The following MARVELD2 variants were observed in gnomAD, a reference collection of about 807,000 sequenced individuals.
The protein encoded by MARVELD2 is MARVEL domain-containing protein 2.
In MARVELD2, 49 loss-of-function variants were observed where a neutral mutation model predicts 57.6. The observed-to-expected ratio is 0.85, with a 90% CI of 0.68 to 1.08. The LOEUF (loss-of-function observed/expected upper bound fraction) is 1.08, where lower values mean the gene tolerates loss of function less well. Among genes scored for constraint, MARVELD2 ranks in the 50% least tolerant of loss-of-function variants. The probability of loss-of-function intolerance (pLI) is 0.00; values close to 1 mark genes in which losing one functional copy is unlikely to be tolerated. For synonymous variants in MARVELD2, 238 were observed against 258.8 expected, an observed-to-expected ratio of 0.92 and a Z score of 0.77; for missense variants, 606 against 701.1, an observed-to-expected ratio of 0.86 and a Z score of 1.53.
At position 69,441,678 on chromosome 5, in the gene MARVELD2, TTTTTA is replaced by T; in HGVS notation, c.*39_*43del. ...AACGCTTATTTGAAACCACTTTATT[TTTTTA>T]TTTTATTTTATTTTTTTGAGATGAA... On this transcript the variant is annotated 3_prime_UTR_variant, in exon 7 of 7. Coordinates refer to ENST00000325631, the MANE Select transcript of MARVELD2 (RefSeq NM_001038603.3). The T allele has an allele frequency of 2.0e-6, 3 of 1,497,276 alleles. No homozygotes were observed. Among genetic ancestry groups the T allele is most frequent in the South Asian group, 2.3e-5 (2 of 86,440 alleles). The allele number at this position is 1,497,276 out of a possible 1,614,324, so 92.7% of individuals were successfully genotyped here.
At chr5:69,416,723 T>C (rs886710599) in intron 1 of MARVELD2, among the ~76,000 whole-genome samples, 1 of 152,240 alleles carries the variant, frequency 6.6e-6, no homozygotes, top group African/African-American at 2.4e-5. Flanking sequence ...CTTTTTATTA[T>C]GTTTGAAAAA....
chr5:69,421,706 C>A (rs920089585), intron 2 of MARVELD2, among the ~76,000 whole-genome samples: 5 of 151,984 alleles, frequency 3.3e-5, no homozygotes, highest in Non-Finnish European at 7.4e-5. Context: ...AAGCAATCCA[C>A]CTGCCTTGGC....
chr5:69,419,088 G>A (rs1766515278), intron 1 of MARVELD2: 1 of 473,946 alleles, frequency 2.1e-6, no homozygotes, highest in Non-Finnish European at 3.8e-6. Flanking sequence ...ACAACGCCTG[G>A]CTAGTTTTTG....
rs112747252 is a variant in MARVELD2, at chr5:69,419,416, G to T, written c.31G>T (p.Asp11Tyr). Residue 11 changes from aspartate to tyrosine, a missense_variant, in exon 2 of 7, where the codon GAC becomes TAC. Coordinates refer to ENST00000325631, the MANE Select transcript of MARVELD2 (RefSeq NM_001038603.3). The stretch of plus-strand genomic sequence containing the variant: ...AAATGATGGAAGATCCAGGAATCGG[G>T]ACAGGCGCTACGATGAGGTCCCAAG... The part of the protein sequence containing the change: MSNDGRSRNR[D>Y]RRYDEVPSDL... 6.8e-5 allele frequency: 109 copies of T among 1,614,036 alleles called. No individual in the cohort carries two copies. The African/African-American group carries it at 9.7e-4, about 14-fold the overall frequency.
intron 6 of MARVELD2, among the ~76,000 whole-genome samples, chr5:69,440,717 T>A (rs1341136335): frequency 1.3e-5 from 2 of 152,228 alleles, no homozygotes; most frequent in South Asian, 2.1e-4. Context: ...TGAGCATTGA[T>A]CAGGAATTCT....
intron 1 of MARVELD2, among the ~76,000 whole-genome samples, chr5:69,417,938 C>CAAA (rs759672131): frequency 1.1e-5 from 1 of 93,166 alleles, no homozygotes; most frequent in African/African-American, 3.9e-5. Context: ...GACTCTGTCT[C>CAAA]AAAAAAAAAA....
intron 1 of MARVELD2, among the ~76,000 whole-genome samples, chr5:69,416,189 T>C (rs1766411334): frequency 6.6e-6 from 1 of 152,250 alleles, no homozygotes; most frequent in East Asian, 1.9e-4. Flanking sequence ...TAAAATCATT[T>C]GTTGTGCTTT....
At chr5:69,421,557 T>C (rs1766625981) in intron 2 of MARVELD2, among the ~76,000 whole-genome samples, 1 of 152,190 alleles carries the variant, frequency 6.6e-6, no homozygotes, top group East Asian at 1.9e-4. Flanking sequence ...CTGACATATG[T>C]ATTTTGTTTT....
Position 69,441,696 on chromosome 5 carries a change from T to C in MARVELD2, c.*42T>C, listed in dbSNP as rs770984761. 4.8e-5 allele frequency: 68 copies of C among 1,402,496 alleles called. No individual in the cohort carries two copies. The highest frequency in any genetic ancestry group is 5.6e-5 in the Non-Finnish European group (57 of 1,010,038). 86.9% of individuals were successfully genotyped at this position (1,402,496 alleles called of 1,614,324 possible). A position where few individuals can be genotyped will look rare whatever the true frequency, so the allele number is the denominator to read the frequency against. ...CTTTATTTTTTTATTTTATTTTATT[T>C]TTTTGAGATGAAGTCTCGCTCTGTT... On this transcript the variant is annotated 3_prime_UTR_variant, in exon 7 of 7. Coordinates refer to ENST00000325631, the MANE Select transcript of MARVELD2 (RefSeq NM_001038603.3).
chr5:69,434,660 G>A (rs1221148025), intron 5 of MARVELD2, among the ~76,000 whole-genome samples: 1 of 151,930 alleles, frequency 6.6e-6, no homozygotes, highest in Non-Finnish European at 1.5e-5. Flanking sequence ...TATTGAAATA[G>A]GAATGCCTTA....
chr5:69,415,538 GAC>G (rs1766375224), intron 1 of MARVELD2: 1 of 152,156 alleles, frequency 6.6e-6, no homozygotes, highest in South Asian at 2.1e-4. Context: ...CAGAACCGAG[GAC>G]ACAATGAGAT....
intron 2 of MARVELD2, among the ~76,000 whole-genome samples, chr5:69,422,944 C>T (rs1389092174): frequency 6.6e-6 from 1 of 152,216 alleles, no homozygotes; most frequent in Admixed American, 6.5e-5. Context: ...TGGCACCAGG[C>T]TGGAGTGCAG....
intron 1 of MARVELD2, among the ~76,000 whole-genome samples, chr5:69,416,646 G>A (rs1285447103): frequency 6.6e-6 from 1 of 152,194 alleles, no homozygotes; most frequent in Non-Finnish European, 1.5e-5. Context: ...AAACAAGTTT[G>A]GCCATAAATC....
intron 2 of MARVELD2, among the ~76,000 whole-genome samples, chr5:69,422,789 C>T (rs1427842870): frequency 6.6e-6 from 1 of 152,122 alleles, no homozygotes; most frequent in Non-Finnish European, 1.5e-5. Flanking sequence ...ACGGAACCTG[C>T]CGACATGTGA....
chr5:69,430,509 C>A (rs1295875701), intron 3 of MARVELD2, among the ~76,000 whole-genome samples: 1 of 151,934 alleles, frequency 6.6e-6, no homozygotes, highest in Non-Finnish European at 1.5e-5. Context: ...AGCTACTGCA[C>A]GTGGCCTAGT....
chr5:69,419,415 G>C lies in MARVELD2; in HGVS notation c.30G>C (p.Arg10=), dbSNP rs143592561. MSNDGRSRN[R]DRRYDEVPSD... ...CAAATGATGGAAGATCCAGGAATCG[G>C]GACAGGCGCTACGATGAGGTCCCAA... Residue 10 remains arginine, a synonymous_variant, in exon 2 of 7, where the codon CGG becomes CGC. Transcript: ENST00000325631. 6.2e-6 allele frequency: 10 copies of C among 1,614,110 alleles called. No individual in the cohort carries two copies. The highest frequency in any genetic ancestry group is 7.6e-6 in the Non-Finnish European group (9 of 1,180,036).
chr5:69,419,601 G>T lies in MARVELD2; in HGVS notation c.216G>T (p.Ala72=), dbSNP rs771423172. The change falls in exon 2 of 7, where the codon GCG becomes GCT. Residue 72 remains alanine, a synonymous_variant. Coordinates refer to ENST00000325631, the MANE Select transcript of MARVELD2 (RefSeq NM_001038603.3). ...YSSDTEEPAI[A]PDLKPVRRFV... is the part of the protein sequence containing the mutation. ...GTGACACAGAAGAACCAGCTATAGC[G>T]CCAGATCTCAAACCAGTAAGGCGCT... 2 of 1,613,986 alleles carry T rather than the reference G, an allele frequency of 1.2e-6. No homozygotes were observed. Among genetic ancestry groups the T allele is most frequent in the Non-Finnish European group, 1.7e-6 (2 of 1,179,964 alleles).
intron 2 of MARVELD2, 93 bp downstream of exon 2, chr5:69,420,624 A>G: frequency 8.0e-7 from 1 of 1,244,622 alleles, no homozygotes; most frequent in East Asian, 2.4e-5. Flanking sequence ...CTCAAAACAG[A>G]AAGCTTTCAT....
Position 69,420,069 on chromosome 5 carries a change from A to G in MARVELD2, c.684A>G (p.Ser228=). 1 of 1,614,120 alleles carries G rather than the reference A, an allele frequency of 6.2e-7. No homozygotes were observed. The highest frequency in any genetic ancestry group is 8.5e-7 in the Non-Finnish European group (1 of 1,180,036). Residue 228 remains serine (S), a synonymous_variant, in exon 2 of 7, where the codon TCA becomes TCG. Coordinates refer to ENST00000325631, the MANE Select transcript of MARVELD2 (RefSeq NM_001038603.3). The stretch of plus-strand genomic sequence containing the variant: ...AGTGGTACAACTTGTTTGGATATTC[A>G]CAACCGTATGGCATGGGAGGCGTTG... ...DSEWYNLFGY[S]QPYGMGGVGG...
Sources: allele counts gnomAD v4.1 joint callset (sites outside exome capture counted in the v4.1 genomes callset), GRCh38; gene constraint gnomAD v4.1.1; transcripts MANE v1.5; gene names NCBI Gene and HGNC (gene_info 2026-07-23, HGNC 2026-07-21).